SRGAP2: variants seen among roughly 807,000 people sequenced by gnomAD.
The protein encoded by SRGAP2 is SLIT-ROBO Rho GTPase-activating protein 2.
In SRGAP2, 15 loss-of-function variants were observed where a neutral mutation model predicts 57.2. The ratio of observed to expected loss-of-function variants is 0.26; its 90% CI spans 0.18 to 0.40. SRGAP2 has a LOEUF of 0.40. SRGAP2 is among the 10% of genes least tolerant of loss of function. SRGAP2 has a pLI of 1.00. For synonymous variants in SRGAP2, 249 were observed against 248.0 expected (o/e 1.00, Z -0.04); for missense variants, 520 against 669.6 (o/e 0.78, Z 2.47).
At position 206,453,059 on chromosome 1, in the gene SRGAP2, C is replaced by T. The variant is rs1353466878; in HGVS notation, c.2180-141C>T. 9 of 438,890 alleles carry T rather than the reference C, an allele frequency of 2.1e-5. No individual in the cohort carries two copies. The Admixed American group carries it at 3.4e-4, about 17-fold the overall frequency. The allele number at this position is 438,890 out of a possible 1,614,324, so 27.2% of individuals were successfully genotyped here. A position where few individuals can be genotyped will look rare whatever the true frequency, so the allele number is the denominator to read the frequency against. On this transcript the variant is annotated intron_variant, in intron 19 of 22. Transcript: ENST00000573034. ...GTATAGTCTGCGTGAGAATTACTTG[C>T]TTTATAGATCATCCATGGCTTCGTT...
chr1:206,418,345 C>CA (rs1553362802), intron 11 of SRGAP2, among the ~76,000 whole-genome samples: 1 of 152,156 alleles, frequency 6.6e-6, no homozygotes, highest in African/African-American at 2.4e-5. Context: ...TGGCGTTGCT[C>CA]AAGATGAGCT....
intron 4 of SRGAP2, among the ~76,000 whole-genome samples, chr1:206,377,125 T>C (rs1344817618): frequency 2.0e-5 from 3 of 152,146 alleles, no homozygotes. Flanking sequence ...TTAGACTAAG[T>C]TTTTCAGATA....
At chr1:206,443,267 G>A (rs1370912609) in intron 17 of SRGAP2, among the ~76,000 whole-genome samples, 1 of 152,178 alleles carries the variant, frequency 6.6e-6, no homozygotes, top group Non-Finnish European at 1.5e-5. Context: ...TGAGGACATG[G>A]CATGAGTGAC....
chr1:206,233,054 ACCCCAAAAAGTC>A (rs1667730756), intron 2 of SRGAP2, among the ~76,000 whole-genome samples: 1 of 150,220 alleles, frequency 6.7e-6, no homozygotes, highest in South Asian at 2.1e-4. Flanking sequence ...CATTTCTATC[ACCCCAAAAAGTC>A]CCTTCACGGT....
intron 7 of SRGAP2, among the ~76,000 whole-genome samples, chr1:206,397,289 T>C (rs1185950522): frequency 2.0e-5 from 3 of 151,584 alleles, no homozygotes; most frequent in Non-Finnish European, 4.4e-5. Context: ...TGCTGACCTA[T>C]GAGATAAAAA....
chr1:206,310,116 GC>G (rs1553323576), intron 3 of SRGAP2, among the ~76,000 whole-genome samples: 1 of 151,762 alleles, frequency 6.6e-6, no homozygotes, highest in African/African-American at 2.4e-5. Flanking sequence ...ACTAAAACAA[GC>G]CCCAAACCCA....
chr1:206,409,443 C>T (rs1194783648), intron 10 of SRGAP2, among the ~76,000 whole-genome samples: 2 of 143,782 alleles, frequency 1.4e-5, no homozygotes, highest in Non-Finnish European at 3.0e-5. Flanking sequence ...AAACTTGAAG[C>T]GATTTTTAAA....
intron 11 of SRGAP2, among the ~76,000 whole-genome samples, chr1:206,418,707 C>A (rs2103232847): frequency 6.6e-6 from 1 of 152,234 alleles, no homozygotes; most frequent in African/African-American, 2.4e-5. Context: ...ACTCCTAAGG[C>A]CCACTGTTAG....
chr1:206,416,404 G>T (rs1374107150), intron 11 of SRGAP2, among the ~76,000 whole-genome samples: 1 of 152,208 alleles, frequency 6.6e-6, no homozygotes, highest in Non-Finnish European at 1.5e-5. Flanking sequence ...ATCCTCAAAT[G>T]CAGGAGGGAT....
Position 206,437,870 on chromosome 1 carries a change from A to G in SRGAP2, c.1634-94A>G, listed in dbSNP as rs1661912779. ...GGCAGAAAGCTGATGGATTGGGACCAGGACATGCATGGTTCACCCCTTCCC... is the reference window on the plus strand; with the variant it reads ...GGCAGAAAGCTGATGGATTGGGACCGGGACATGCATGGTTCACCCCTTCCC... On this transcript the variant is annotated intron_variant, in intron 15 of 22. Transcript: ENST00000573034. The G allele has an allele frequency of 7.7e-5, 57 of 740,002 alleles. 1 individual carries two copies. The South Asian group carries it at 8.5e-4, about 11-fold the overall frequency. 45.8% of individuals were successfully genotyped at this position (740,002 alleles called of 1,614,324 possible).
chr1:206,454,890 C>T lies in SRGAP2; in HGVS notation c.2373C>T (p.Val791=), dbSNP rs901050473. Residue 791 remains valine (V), a synonymous_variant, in exon 21 of 23, where the codon GTC becomes GTT. Transcript: ENST00000573034. This position sits in a 1 kb window ranked among gnomAD's most constrained non-coding sequence, Gnocchi z 4.3. ...YIVVQDTEDG[V]VERSSPKSEI... ...CCTTCTCCCCCAGCGAGGACGGTGT[C>T]GTGGAGAGGTCCAGCCCCAAGTCTG... is the stretch of plus-strand genomic sequence containing the variant. The T allele has an allele frequency of 3.9e-6, 3 of 774,062 alleles. No individual in the cohort carries two copies. The highest frequency in any genetic ancestry group is 2.4e-5 in the East Asian group (1 of 41,204). 47.9% of individuals were successfully genotyped at this position (774,062 alleles called of 1,614,324 possible).
In SRGAP2 at chr1:206,415,956, A is replaced by T. The variant is rs1553361763; in HGVS notation, c.1424A>T (p.Gln475Leu). 5 of 780,608 alleles carry T rather than the reference A, an allele frequency of 6.4e-6. No homozygotes were observed. The South Asian group carries it at 6.7e-5, about 10-fold the overall frequency. 48.4% of individuals were successfully genotyped at this position (780,608 alleles called of 1,614,324 possible). A position where few individuals can be genotyped will look rare whatever the true frequency, so the allele number is the denominator to read the frequency against. ...TKLQAKHDLL[Q>L]KTLGESQRTD... is the part of the protein sequence containing the mutation. ...TTACAAGCCAAGCATGACCTTCTGC[A>T]GAAAACCCTGGGAGAAAGTGAGTGT... Residue 475 changes from glutamine (Q) to leucine (L), a missense_variant, in exon 11 of 23, where the codon CAG (glutamine) becomes CTG (leucine). Around this residue, in one of 5 missense-constraint regions of SRGAP2, gnomAD observed 478 missense variants for 373.6 expected, o/e 1.28. Transcript: ENST00000573034.
intron 2 of SRGAP2, among the ~76,000 whole-genome samples, chr1:206,262,604 AGACT>A (rs1230753639): frequency 6.7e-6 from 1 of 149,940 alleles, no homozygotes; most frequent in African/African-American, 2.4e-5. Flanking sequence ...TCACTGTAAG[AGACT>A]GACTGGTGGA....
At chr1:206,452,300 A>G (rs1456707347) in intron 19 of SRGAP2, among the ~76,000 whole-genome samples, 1 of 152,132 alleles carries the variant, frequency 6.6e-6, no homozygotes, top group Non-Finnish European at 1.5e-5. Context: ...TTTTTTTCAT[A>G]GGTTGGTCAC....
At chr1:206,278,339 CTACT>C in intron 2 of SRGAP2, among the ~76,000 whole-genome samples, 1 of 147,216 alleles carries the variant, frequency 6.8e-6, no homozygotes, top group Non-Finnish European at 1.5e-5. Flanking sequence ...CTTCTTTCTT[CTACT>C]TTTTTTTTTT....
At chr1:206,291,411 C>T (rs1481636033) in intron 2 of SRGAP2, among the ~76,000 whole-genome samples, 20 of 152,134 alleles carry the variant, frequency 1.3e-4, no homozygotes, top group Non-Finnish European at 2.8e-4. Flanking sequence ...CTCTTTTATT[C>T]TTCATAACAA....
At chr1:206,431,962 G>A (rs1293861074) in intron 14 of SRGAP2, among the ~76,000 whole-genome samples, 4 of 152,242 alleles carry the variant, frequency 2.6e-5, no homozygotes, top group Non-Finnish European at 4.4e-5. Context: ...AAAAGGAAGC[G>A]GCAGGAGATG....
At chr1:206,229,951 C>A (rs1553306520) in intron 2 of SRGAP2, among the ~76,000 whole-genome samples, 1 of 151,684 alleles carries the variant, frequency 6.6e-6, no homozygotes, top group East Asian at 1.9e-4. Flanking sequence ...CACACACACA[C>A]ACACACACAC....
intron 18 of SRGAP2, among the ~76,000 whole-genome samples, chr1:206,447,972 T>A (rs1404836068): frequency 6.6e-6 from 1 of 152,196 alleles, no homozygotes; most frequent in Non-Finnish European, 1.5e-5. Flanking sequence ...ACCACAAGAT[T>A]AGTCAGGGAA....
Sources: allele counts gnomAD v4.1 joint callset (sites outside exome capture counted in the v4.1 genomes callset), GRCh38; gene constraint gnomAD v4.1.1; regional missense constraint gnomAD v4.1.1; non-coding constraint Gnocchi (gnomAD v3.1); transcripts MANE v1.5; gene names NCBI Gene and HGNC (gene_info 2026-07-23, HGNC 2026-07-21).